WBP1L: variants seen among roughly 807,000 people sequenced by gnomAD.
WBP1L encodes WW domain binding protein 1-like.
In WBP1L, 17 loss-of-function variants were observed where a neutral mutation model predicts 33.7. That is an observed-to-expected ratio of 0.50 (90% CI 0.34 to 0.76). WBP1L has a LOEUF of 0.76. Among genes scored for constraint, WBP1L ranks in the 30% least tolerant of loss-of-function variants. The pLI is 0.01. For synonymous variants in WBP1L, 173 were observed against 190.8 expected (o/e 0.91, Z 0.77); for missense variants, 389 against 469.4 (o/e 0.83, Z 1.58).
At chr10:102,744,243 C>T (rs1842834492) in intron 1 of WBP1L, 100 bp downstream of exon 1, 2 of 1,324,814 alleles carry the variant, frequency 1.5e-6, no homozygotes, top group South Asian at 3.1e-5. Flanking sequence ...GTTGAGGGGT[C>T]CCGAGAGGGG....
intron 1 of WBP1L, among the ~76,000 whole-genome samples, chr10:102,778,035 C>T (rs895929551): frequency 1.1e-4 from 16 of 152,244 alleles, no homozygotes; most frequent in African/African-American, 3.1e-4. Context: ...GAAAGACCTG[C>T]GTTCATATCC....
intron 1 of WBP1L, among the ~76,000 whole-genome samples, chr10:102,776,938 C>T (rs962226272): frequency 4.6e-5 from 7 of 152,000 alleles, no homozygotes; most frequent in Admixed American, 3.3e-4. Flanking sequence ...ACGTTCCCGA[C>T]GCCTCAGGGG....
intron 1 of WBP1L, among the ~76,000 whole-genome samples, chr10:102,763,499 G>A (rs1478457349): frequency 6.6e-6 from 1 of 152,156 alleles, no homozygotes; most frequent in Non-Finnish European, 1.5e-5. Flanking sequence ...GAGAGATTAA[G>A]TCATTCGCCC....
chr10:102,766,131 C>T lies in WBP1L; in HGVS notation c.90+21988C>T, dbSNP rs534162199. ...CCTTGGCAACATAGGAAGACCCTGC[C>T]TCTATAAAGATTAAAAAAAATTAGC... is the stretch of plus-strand genomic sequence containing the variant. On this transcript the variant is annotated intron_variant, in intron 1 of 3. Coordinates refer to ENST00000448841, the MANE Select transcript of WBP1L (RefSeq NM_001083913.2). Among the ~76,000 whole-genome samples, 182 of 152,046 alleles carry T rather than the reference C, an allele frequency of 1.2e-3. 2 individuals carry two copies. The highest frequency in any genetic ancestry group is 4.3e-3 in the African/African-American group (178 of 41,466).
At chr10:102,768,384 T>TTTTTGTTTTTTTTG (rs1843140823) in intron 1 of WBP1L, among the ~76,000 whole-genome samples, 1 of 17,074 alleles carries the variant, frequency 5.9e-5, no homozygotes, top group African/African-American at 6.1e-4. Context: ...TTTTTTTTTT[T>TTTTTGTTTTTTTTG]TTTTTTTTTT....
chr10:102,792,309 A>G (rs1172535541), intron 1 of WBP1L, among the ~76,000 whole-genome samples: 1 of 152,230 alleles, frequency 6.6e-6, no homozygotes, highest in Non-Finnish European at 1.5e-5. Context: ...CGCATTCATT[A>G]TGCACCAAAG....
intron 1 of WBP1L, among the ~76,000 whole-genome samples, chr10:102,772,806 GC>G (rs1201109335): frequency 6.6e-6 from 1 of 151,740 alleles, no homozygotes; most frequent in Non-Finnish European, 1.5e-5. Context: ...CTGGGCTCAA[GC>G]AATCTGCCCA....
intron 2 of WBP1L, among the ~76,000 whole-genome samples, chr10:102,805,502 A>G (rs1443411248): frequency 6.6e-6 from 1 of 151,872 alleles, no homozygotes; most frequent in Non-Finnish European, 1.5e-5. Flanking sequence ...ACAAGAAGCA[A>G]TCCTCTCATC....
chr10:102,767,513 A>G (rs1297599669), intron 1 of WBP1L, among the ~76,000 whole-genome samples: 1 of 152,064 alleles, frequency 6.6e-6, no homozygotes, highest in Non-Finnish European at 1.5e-5. Context: ...AGCCAGGGCA[A>G]CATAATGAGA....
intron 1 of WBP1L, 45 bp from the exon 2 acceptor site, chr10:102,797,948 A>G: frequency 6.4e-7 from 1 of 1,558,550 alleles, no homozygotes; most frequent in Non-Finnish European, 8.8e-7. Context: ...GAAAGTGTTC[A>G]AAAGCTGTCA....
At chr10:102,812,563 A>G in intron 3 of WBP1L, 32 bp from the exon 4 acceptor site, 8 of 1,545,070 alleles carry the variant, frequency 5.2e-6, no homozygotes, top group Non-Finnish European at 7.0e-6. Flanking sequence ...TGACCAGTGC[A>G]GTAATTTCTC....
intron 1 of WBP1L, among the ~76,000 whole-genome samples, chr10:102,758,839 G>T (rs770089020): frequency 6.6e-6 from 1 of 152,130 alleles, no homozygotes; most frequent in South Asian, 2.1e-4. Context: ...CAGGATAGGG[G>T]GCCCTTCCTT....
rs1192088947 is a variant in WBP1L, at chr10:102,768,371, G to GTTTT, written c.90+24250_90+24253dup. On this transcript the variant is annotated intron_variant, in intron 1 of 3. Transcript: ENST00000448841. ...CCATTGCGCCTGGCATTAGTTTTTT[G>GTTTT]TTTTTTTTTTTTTTTTTTTTTTTTT... 2.0e-3 allele frequency among the ~76,000 whole-genome samples: 24 copies of GTTTT among 12,216 alleles called. 1 individual carries two copies. Among genetic ancestry groups the GTTTT allele is most frequent in the African/African-American group, 3.8e-3 (7 of 1,844 alleles). The allele number at this position is 12,216 out of a possible 152,430, so 8.0% of individuals were successfully genotyped here.
chr10:102,770,809 C>G (rs1843178643), intron 1 of WBP1L, among the ~76,000 whole-genome samples: 2 of 152,212 alleles, frequency 1.3e-5, no homozygotes, highest in Admixed American at 1.3e-4. Flanking sequence ...TGCCTGTCTG[C>G]TTAACATTCA....
chr10:102,756,372 C>T (rs1228979558), intron 1 of WBP1L, among the ~76,000 whole-genome samples: 2 of 151,998 alleles, frequency 1.3e-5, no homozygotes, highest in African/African-American at 4.8e-5. Context: ...ATCGTGCCTC[C>T]ATACTCCAGC....
intron 1 of WBP1L, among the ~76,000 whole-genome samples, chr10:102,767,645 T>A (rs1843129882): frequency 1.3e-5 from 2 of 152,148 alleles, no homozygotes; most frequent in African/African-American, 4.8e-5. Context: ...GAGGTTGAGG[T>A]CAATGACTGG....
intron 1 of WBP1L, among the ~76,000 whole-genome samples, chr10:102,774,954 A>C (rs1843237801): frequency 6.6e-6 from 1 of 151,874 alleles, no homozygotes; most frequent in Non-Finnish European, 1.5e-5. Flanking sequence ...TCTCTACACA[A>C]AAAAACAAAA....
chr10:102,752,237 C>T (rs80236706), intron 1 of WBP1L, among the ~76,000 whole-genome samples: 2,486 of 152,160 alleles, frequency 0.016, 57 homozygotes, highest in African/African-American at 0.056. Context: ...TCAGTGGTCC[C>T]GAGGTGGAGA....
In WBP1L at chr10:102,813,912, G is replaced by A. The variant is rs1344575161; in HGVS notation, c.*581G>A. On this transcript the variant is annotated 3_prime_UTR_variant, in exon 4 of 4. Coordinates refer to ENST00000448841, the MANE Select transcript of WBP1L (RefSeq NM_001083913.2). ...TTGTATGATAGGTTGGTAGGGGCTT[G>A]TTGATCTGTCAAATTCCAGGTGACA... The A allele has an allele frequency of 1.3e-5, 2 of 153,124 alleles. No homozygotes were observed. The highest frequency in any genetic ancestry group is 1.9e-4 in the East Asian group (1 of 5,200). 9.5% of individuals were successfully genotyped at this position (153,124 alleles called of 1,614,324 possible).
Sources: gnomAD v4.1 joint callset for allele counts (sites outside exome capture counted in the v4.1 genomes callset) on GRCh38, gnomAD v4.1.1 for gene constraint, MANE v1.5 for transcripts, NCBI Gene and HGNC (gene_info 2026-07-23, HGNC 2026-07-21) for gene names.